FADS2: variants seen among roughly 807,000 people sequenced by gnomAD.
FADS2 encodes fatty acid desaturase 2.
FADS2 carries 18 observed loss-of-function variants against 61.2 expected under a neutral mutation model. That is an observed-to-expected ratio of 0.29 (90% confidence interval 0.20 to 0.44). FADS2 has a LOEUF of 0.44. FADS2 is among the 20% of genes least tolerant of loss of function. The pLI is 1.00. For missense variants in FADS2, 322 were observed against 572.7 expected, an observed-to-expected ratio of 0.56 and a Z score of 4.47; for synonymous variants, 203 against 223.9, an observed-to-expected ratio of 0.91 and a Z score of 0.83.
rs1156241943 is a variant in FADS2 at position 61,828,813 on chromosome 11, G to C, written c.207+216G>C. On this transcript the variant is annotated intron_variant, in intron 1 of 11. Transcript: ENST00000278840. This position sits in a 1 kb window ranked among gnomAD's most constrained non-coding sequence, Gnocchi z 6.4. ...GACCGGATCTGGGACCCGGGGAGGC[G>C]GCGCTGCGGTGAAAGTCCCAGCGGT... The C allele has an allele frequency of 3.6e-6, 2 of 560,158 alleles. No homozygotes were observed. Among genetic ancestry groups the C allele is most frequent in the East Asian group, 3.1e-5 (1 of 32,404 alleles). 34.7% of individuals were successfully genotyped at this position (560,158 alleles called of 1,614,324 possible). A position where few individuals can be genotyped will look rare whatever the true frequency, so the allele number is the denominator to read the frequency against.
chr11:61,851,338 T>G (rs1381181241), intron 5 of FADS2, among the ~76,000 whole-genome samples: 2 of 152,160 alleles, frequency 1.3e-5, no homozygotes, highest in South Asian at 2.1e-4. Flanking sequence ...TTTCCCGACA[T>G]CTTCTCACCC....
At chr11:61,850,927 C>T (rs1433111156) in intron 5 of FADS2, among the ~76,000 whole-genome samples, 1 of 152,170 alleles carries the variant, frequency 6.6e-6, no homozygotes, top group African/African-American at 2.4e-5. Flanking sequence ...TTTGTACACC[C>T]TCTTCTTATT....
At chr11:61,823,966 C>T (rs2067050620), upstream of FADS2, among the ~76,000 whole-genome samples, 1 of 152,178 alleles carries the variant, frequency 6.6e-6, no homozygotes, top group South Asian at 2.1e-4. Context: ...AAATCATTAT[C>T]TAGTGAGCTT....
At chr11:61,840,599 A>G in intron 3 of FADS2, 25 bp from the exon 4 acceptor site, 1 of 1,613,390 alleles carries the variant, frequency 6.2e-7, no homozygotes, top group South Asian at 1.1e-5. Flanking sequence ...AGGCTGTGAC[A>G]GCACGTGTGA....
chr11:61,859,118 C>T (rs961370541), intron 7 of FADS2, among the ~76,000 whole-genome samples: 3 of 151,598 alleles, frequency 2.0e-5, no homozygotes, highest in Admixed American at 1.3e-4. Context: ...AGTACAATGG[C>T]GTGATCTCGG....
intron 10 of FADS2, among the ~76,000 whole-genome samples, chr11:61,864,420 A>T (rs1380004591): frequency 6.6e-6 from 1 of 150,668 alleles, no homozygotes; most frequent in Non-Finnish European, 1.5e-5. Context: ...TTGAGACAGA[A>T]TCTCACTCTG....
At position 61,816,942 on chromosome 11, in the gene FADS2, G is replaced by T. The variant is rs1178581970; in HGVS notation, c.141+516G>T. 1 of 1,377,722 alleles carries T rather than the reference G, an allele frequency of 7.3e-7. No individual in the cohort carries two copies. 85.3% of individuals were successfully genotyped at this position (1,377,722 alleles called of 1,614,324 possible). On this transcript the variant is annotated intron_variant, in intron 1 of 11. Transcript: ENST00000257261. The surrounding 1 kb of genome is among the most constrained non-coding windows in gnomAD (Gnocchi z 7.0). ...CGCGCGTTCCCATTGGCCGAGCCTCGTGGCGCGGGGAGCGAGATCCCGTCC... is the reference window on the plus strand; with the variant it reads ...CGCGCGTTCCCATTGGCCGAGCCTCTTGGCGCGGGGAGCGAGATCCCGTCC...
intron 5 of FADS2, among the ~76,000 whole-genome samples, chr11:61,853,700 G>C (rs2067330943): frequency 6.6e-6 from 1 of 152,038 alleles, no homozygotes; most frequent in Admixed American, 6.5e-5. Flanking sequence ...ATCCCGCCTT[G>C]GGACACACAT....
intron 1 of FADS2, among the ~76,000 whole-genome samples, chr11:61,834,133 G>T (rs2067151353): frequency 1.3e-5 from 2 of 152,230 alleles, no homozygotes; most frequent in Admixed American, 1.3e-4. Context: ...TCTTGGAGGT[G>T]ATGTTGAGGC....
intron 9 of FADS2, 41 bp from the exon 10 acceptor site, chr11:61,863,666 G>A (rs779831939): frequency 6.4e-6 from 10 of 1,565,516 alleles, no homozygotes; most frequent in African/African-American, 1.4e-5. Context: ...GGGCCCTTGG[G>A]CCTTCCTTTG....
intron 5 of FADS2, among the ~76,000 whole-genome samples, chr11:61,852,532 A>G (rs1354668373): frequency 6.6e-6 from 1 of 152,094 alleles, no homozygotes. Flanking sequence ...AAGTGCTGGG[A>G]TTACAGGCAT....
intron 10 of FADS2, chr11:61,864,134 C>T (rs1022266742): frequency 2.4e-5 from 6 of 250,086 alleles, no homozygotes; most frequent in African/African-American, 6.7e-5. Flanking sequence ...CCTGGAACAT[C>T]GGCCGAGGGA....
Position 61,864,253 on chromosome 11 carries a change from G to A in FADS2, c.1157+467G>A, listed in dbSNP as rs941109314. 1.9e-5 allele frequency: 3 copies of A among 153,856 alleles called. No individual in the cohort carries two copies. In the South Asian group the frequency reaches 6.2e-4, roughly 32 times the overall value. The allele number at this position is 153,856 out of a possible 1,614,324, so 9.5% of individuals were successfully genotyped here. ...GAGTCTCACCCTGTTTCCTGGGCTG[G>A]AGTGCAGTGGTGCTTTCTTGGCTCA... On this transcript the variant is annotated intron_variant, in intron 10 of 11. Transcript: ENST00000278840.
intron 4 of FADS2, among the ~76,000 whole-genome samples, chr11:61,841,033 T>C (rs900798497): frequency 1.3e-5 from 2 of 151,912 alleles, no homozygotes; most frequent in African/African-American, 4.8e-5. Context: ...CTGTTTTTGT[T>C]TGGGGACAGT....
At position 61,865,106 on chromosome 11, in the gene FADS2, T is replaced by C. The variant is rs2067455792; in HGVS notation, c.1158-46T>C. On this transcript the variant is annotated intron_variant, in intron 10 of 11. Coordinates refer to ENST00000278840, the MANE Select transcript of FADS2 (RefSeq NM_004265.4). The surrounding 1 kb of genome is among the most constrained non-coding windows in gnomAD (Gnocchi z 4.1). The stretch of plus-strand genomic sequence containing the variant: ...GTGGTGGGAGGAAGCGGGAGCAGCA[T>C]GGCCCTCTGAGTCCTCACGCTCTGC... 1 of 1,586,684 alleles carries C rather than the reference T, an allele frequency of 6.3e-7. No homozygotes were observed. The highest frequency in any genetic ancestry group is 1.1e-5 in the South Asian group (1 of 89,020).
At chr11:61,863,989 G>A (rs186690055) in intron 10 of FADS2, 1 of 555,174 alleles carries the variant, frequency 1.8e-6, no homozygotes, top group Non-Finnish European at 3.3e-6. Flanking sequence ...GGGTCATCCT[G>A]TGCCCCTCAT....
At chr11:61,835,397 CTTT>C (rs529744700) in intron 1 of FADS2, among the ~76,000 whole-genome samples, 2 of 139,378 alleles carry the variant, frequency 1.4e-5, no homozygotes, top group African/African-American at 2.6e-5. Context: ...TCCCCCGACC[CTTT>C]TTTTTTTTTT....
At chr11:61,861,914 C>T (rs999429215) in intron 7 of FADS2, 3 of 152,278 alleles carry the variant, frequency 2.0e-5, no homozygotes, top group African/African-American at 7.2e-5. Context: ...ACTTCCTAGT[C>T]TCCCCCTCTC....
At chr11:61,864,670 C>T (rs1248887161) in intron 10 of FADS2, among the ~76,000 whole-genome samples, 4 of 152,174 alleles carry the variant, frequency 2.6e-5, no homozygotes, top group Admixed American at 6.5e-5. Context: ...GCTGGGATTA[C>T]AGGTGTGAGC....
Sources: allele counts gnomAD v4.1 joint callset (sites outside exome capture counted in the v4.1 genomes callset), GRCh38; gene constraint gnomAD v4.1.1; non-coding constraint Gnocchi (gnomAD v3.1); transcripts MANE v1.5; gene names NCBI Gene and HGNC (gene_info 2026-07-23, HGNC 2026-07-21).